The following MACF1 variants were observed in gnomAD, a reference collection of about 807,000 sequenced individuals.
The protein encoded by MACF1 is microtubule actin crosslinking factor 1, also known as microtubule-actin cross-linking factor 1.
MACF1 carries 193 observed loss-of-function variants against 854.8 expected under a neutral mutation model. The observed-to-expected ratio is 0.23, with a 90% CI of 0.20 to 0.25. MACF1 has a LOEUF of 0.25. Among genes scored for constraint, MACF1 ranks in the 10% least tolerant of loss-of-function variants. MACF1 has a pLI of 1.00. For synonymous variants in MACF1, 3,185 were observed against 3,226.7 expected, an observed-to-expected ratio of 0.99 and a Z score of 0.44; for missense variants, 7,722 against 8,929.1, an observed-to-expected ratio of 0.86 and a Z score of 5.45.
chr1:39,177,983 T>C (rs1384180890), intron 2 of MACF1, among the ~76,000 whole-genome samples: 1 of 151,838 alleles, frequency 6.6e-6, no homozygotes, highest in African/African-American at 2.4e-5. Context: ...AGTTGAGAAA[T>C]GGGATCACCG....
chr1:39,185,361 C>T (rs573584613), intron 2 of MACF1, among the ~76,000 whole-genome samples: 1 of 151,400 alleles, frequency 6.6e-6, no homozygotes, highest in South Asian at 2.1e-4. Flanking sequence ...CATGGTAGCT[C>T]ACACCTGTAG....
chr1:39,240,532 C>G (rs748432927), intron 2 of MACF1, among the ~76,000 whole-genome samples: 1 of 152,134 alleles, frequency 6.6e-6, no homozygotes, highest in Non-Finnish European at 1.5e-5. Context: ...GAGTTTCACT[C>G]TTGTTGCCCA....
chr1:39,315,832 C>A, intron 27 of MACF1, 141 bp downstream of exon 27: 1 of 769,428 alleles, frequency 1.3e-6, no homozygotes, highest in Non-Finnish European at 2.0e-6. Flanking sequence ...GTCTTGGCTT[C>A]AGTTCCTAGT....
intron 1 of MACF1, among the ~76,000 whole-genome samples, chr1:39,224,968 T>C (rs1644696769): frequency 1.3e-5 from 2 of 152,272 alleles, no homozygotes; most frequent in East Asian, 3.9e-4. Flanking sequence ...GAGGATCACA[T>C]GAGGCCAGGA....
At chr1:39,255,595 T>C (rs1228998586) in intron 5 of MACF1, among the ~76,000 whole-genome samples, 1 of 152,264 alleles carries the variant, frequency 6.6e-6, no homozygotes, top group Non-Finnish European at 1.5e-5. Flanking sequence ...GGTATAACAT[T>C]TCTTATTTTC....
intron 2 of MACF1, among the ~76,000 whole-genome samples, chr1:39,187,281 A>G (rs1184183204): frequency 6.6e-6 from 1 of 152,226 alleles, no homozygotes; most frequent in Non-Finnish European, 1.5e-5. Context: ...ATCTATGTAC[A>G]TACCTTCAGA....
Position 39,302,998 on chromosome 1 carries a change from C to G in MACF1, c.2709C>G (p.Pro903=), listed in dbSNP as rs1260433847. The part of the protein sequence containing the change: ...SQRTKWKVIS[P]TGNEAMVPSV... ...GGACCAAATGGAAAGTGATCAGCCCCACAGGGAACGAGGCAATGGTGCCGT... is the reference window on the plus strand; with the variant it reads ...GGACCAAATGGAAAGTGATCAGCCCGACAGGGAACGAGGCAATGGTGCCGT... The change falls in exon 23 of 101, where the codon CCC becomes CCG. Residue 903 remains proline (P), a synonymous_variant. Transcript: ENST00000564288. 4 of 1,614,056 alleles carry G rather than the reference C, an allele frequency of 2.5e-6. No individual in the cohort carries two copies. The highest frequency in any genetic ancestry group is 3.4e-6 in the Non-Finnish European group (4 of 1,180,028).
chr1:39,192,254 A>G (rs189524435), intron 2 of MACF1, among the ~76,000 whole-genome samples: 1 of 152,274 alleles, frequency 6.6e-6, no homozygotes, highest in East Asian at 1.9e-4. Context: ...GGAAAGCATT[A>G]CTCACCAGGC....
intron 93 of MACF1, 123 bp downstream of exon 93, chr1:39,462,160 T>A (rs1350477604): frequency 1.1e-6 from 1 of 950,434 alleles, no homozygotes; most frequent in African/African-American, 1.7e-5. Context: ...TTATTTGGAG[T>A]TCTATTTTGA....
At chr1:39,226,050 T>C (rs923624999) in intron 1 of MACF1, among the ~76,000 whole-genome samples, 2 of 152,138 alleles carry the variant, frequency 1.3e-5, no homozygotes, top group African/African-American at 4.8e-5. Context: ...CATACCAACA[T>C]AGGATCCTAA....
At chr1:39,360,008 AAAAAATATATATATAT>A (rs1268058168) in intron 47 of MACF1, among the ~76,000 whole-genome samples, 18 of 51,566 alleles carry the variant, frequency 3.5e-4, no homozygotes, top group African/African-American at 1.4e-3. Context: ...AAAAAAAAAA[AAAAAATATATATATAT>A]ATATATATAT....
In MACF1 at chr1:39,205,093, G is replaced by A; in HGVS notation, c.71G>A (p.Gly24Asp). 1.4e-6 allele frequency: 1 copy of A among 702,964 alleles called. No individual in the cohort carries two copies. Among genetic ancestry groups the A allele is most frequent in the South Asian group, 1.5e-5 (1 of 67,596 alleles). The allele number at this position is 702,964 out of a possible 1,614,324, so 43.5% of individuals were successfully genotyped here. ...TTGACTCACGTTCTTGGAGTTGCTGGTGTTCTATACTGGAAGAGGCATGCC... is the reference window on the plus strand; with the variant it reads ...TTGACTCACGTTCTTGGAGTTGCTGATGTTCTATACTGGAAGAGGCATGCC... ...FILTHVLGVAGVLYWKRHARG... is the reference protein window; with the variant it reads ...FILTHVLGVADVLYWKRHARG... The change falls in exon 1 of 101, where the codon GGT becomes GAT. Residue 24 changes from glycine (G) to aspartate (D), a missense_variant. Around this residue, in one of 15 missense-constraint regions of MACF1, gnomAD observed 22 missense variants for 16.1 expected, o/e 1.37. Transcript: ENST00000564288.
In MACF1 at chr1:39,409,952, G is replaced by T. The variant is rs1642912587; in HGVS notation, c.15817-12422G>T. 1 of 265,298 alleles carries T rather than the reference G, an allele frequency of 3.8e-6. No individual in the cohort carries two copies. The highest frequency in any genetic ancestry group is 2.2e-5 in the African/African-American group (1 of 45,304). 16.4% of individuals were successfully genotyped at this position (265,298 alleles called of 1,614,324 possible). A position where few individuals can be genotyped will look rare whatever the true frequency, so the allele number is the denominator to read the frequency against. ...CGAAAAAGACTCGTCAATATCAGAT[G>T]ATTTTTGTTGACTGTATTTGAAAGA... On this transcript the variant is annotated intron_variant, in intron 58 of 100. Transcript: ENST00000564288. The surrounding 1 kb of genome is among the most constrained non-coding windows in gnomAD (Gnocchi z 4.2).
chr1:39,155,583 G>A (rs1643666282), intron 2 of MACF1, among the ~76,000 whole-genome samples: 1 of 152,174 alleles, frequency 6.6e-6, no homozygotes, highest in South Asian at 2.1e-4. Flanking sequence ...CTTTAGCTGA[G>A]GTCCATGTGA....
chr1:39,148,867 C>A (rs1643517386), intron 2 of MACF1, among the ~76,000 whole-genome samples: 1 of 152,200 alleles, frequency 6.6e-6, no homozygotes, highest in African/African-American at 2.4e-5. Context: ...TGCCAAACTA[C>A]TCTCCATAAA....
chr1:39,349,176 CTCTT>C (rs1459589311), intron 41 of MACF1, among the ~76,000 whole-genome samples: 2 of 152,106 alleles, frequency 1.3e-5, no homozygotes, highest in African/African-American at 4.8e-5. Flanking sequence ...AGCATCTGGG[CTCTT>C]TCTTCTCCAT....
chr1:39,393,190 AAAAAAAATAT>A, intron 58 of MACF1, among the ~76,000 whole-genome samples: 1 of 86,662 alleles, frequency 1.2e-5, no homozygotes, highest in African/African-American at 6.2e-5. Context: ...GTAAAAAAAA[AAAAAAAATAT>A]ATATATATAT....
chr1:39,114,613 TGAA>T (rs1274910033), intron 2 of MACF1, among the ~76,000 whole-genome samples: 1 of 152,136 alleles, frequency 6.6e-6, no homozygotes, highest in African/African-American at 2.4e-5. Context: ...GAAAGCCGCA[TGAA>T]GAATAAATTA....
intron 85 of MACF1, 121 bp downstream of exon 85, chr1:39,451,332 T>TA (rs1644337980): frequency 9.8e-7 from 1 of 1,016,550 alleles, no homozygotes; most frequent in South Asian, 2.2e-5. Context: ...GCCTGACAGT[T>TA]GCTTTGTGTG....
Sources: allele counts gnomAD v4.1 joint callset (sites outside exome capture counted in the v4.1 genomes callset), GRCh38; gene constraint gnomAD v4.1.1; regional missense constraint gnomAD v4.1.1; non-coding constraint Gnocchi (gnomAD v3.1); transcripts MANE v1.5; gene names NCBI Gene and HGNC (gene_info 2026-07-23, HGNC 2026-07-21).